Variants in CTNNA2 observed in about 807,000 individuals in gnomAD.
CTNNA2 encodes the protein catenin alpha 2.
A neutral mutation model predicts 101.0 loss-of-function variants in CTNNA2; 42 were observed. The observed-to-expected ratio is 0.42, with a 90% confidence interval of 0.32 to 0.54. The LOEUF (loss-of-function observed/expected upper bound fraction) is 0.54. Ranked by LOEUF, CTNNA2 falls within the 20% of genes least tolerant of loss-of-function variation. The pLI, the probability that CTNNA2 is intolerant of heterozygous loss-of-function variation, is 0.14. For missense variants in CTNNA2, 871 were observed against 1,223.1 expected (o/e 0.71, Z 4.29); for synonymous variants, 450 against 456.4 (o/e 0.99, Z 0.18).
intron 7 of CTNNA2, among the ~76,000 whole-genome samples, chr2:80,279,945 C>A (rs1674234655): frequency 6.6e-6 from 1 of 151,940 alleles, no homozygotes; most frequent in African/African-American, 2.4e-5. Context: ...GGATGTTGTG[C>A]ATTTCCTCAC....
At position 79,907,202 on chromosome 2, in the gene CTNNA2, A is replaced by T. The variant is rs541055363; in HGVS notation, c.853-2392A>T. Among the ~76,000 whole-genome samples the T allele has an allele frequency of 1.9e-4, 29 of 152,302 alleles. 1 individual carries two copies. In the East Asian group the frequency reaches 5.4e-3, roughly 28 times the overall value. ...GGTTTTCATTATGTTTTATGTTAAT[A>T]TGGTTTTCTATAAAATAGGTCTTTG... On this transcript the variant is annotated intron_variant, in intron 6 of 18. Transcript: ENST00000402739.
chr2:80,644,489 G>A (rs1021261927), intron 18 of CTNNA2, among the ~76,000 whole-genome samples: 2 of 152,070 alleles, frequency 1.3e-5, no homozygotes, highest in Non-Finnish European at 2.9e-5. Context: ...TTTTCTTTAG[G>A]AAGTGAAGTT....
chr2:79,718,927 A>G (rs914890689), intron 2 of CTNNA2, among the ~76,000 whole-genome samples: 2 of 151,606 alleles, frequency 1.3e-5, no homozygotes, highest in Non-Finnish European at 2.9e-5. Context: ...TTTTCATTCA[A>G]TTTTTATTTC....
intron 1 of CTNNA2, among the ~76,000 whole-genome samples, chr2:79,648,214 G>A (rs1680962093): frequency 6.6e-6 from 1 of 152,104 alleles, no homozygotes. Flanking sequence ...CTTATTGTGT[G>A]TGCTTGTCAG....
intron 9 of CTNNA2, among the ~76,000 whole-genome samples, chr2:80,473,206 A>G (rs1458497822): frequency 6.6e-6 from 1 of 152,180 alleles, no homozygotes; most frequent in Admixed American, 6.5e-5. Flanking sequence ...CCCAGGCCTC[A>G]GGCTCCTCAG....
chr2:80,586,778 T>G (rs1024407169), intron 14 of CTNNA2, among the ~76,000 whole-genome samples: 6 of 152,206 alleles, frequency 3.9e-5, no homozygotes, highest in African/African-American at 1.4e-4. Flanking sequence ...GGATTAAAAT[T>G]TACACGTACA....
At chr2:80,142,681 G>T (rs1703088199) in intron 7 of CTNNA2, among the ~76,000 whole-genome samples, 2 of 152,106 alleles carry the variant, frequency 1.3e-5, no homozygotes, top group Non-Finnish European at 2.9e-5. Context: ...TTTTGTTGTT[G>T]TTCTGCTTTG....
At chr2:79,671,062 A>G (rs1682802698) in intron 2 of CTNNA2, among the ~76,000 whole-genome samples, 1 of 152,370 alleles carries the variant, frequency 6.6e-6, no homozygotes, top group Non-Finnish European at 1.5e-5. Context: ...CCTACAGCAC[A>G]GACAGGAACA....
intron 1 of CTNNA2, among the ~76,000 whole-genome samples, chr2:79,518,553 A>G (rs1671928188): frequency 6.6e-6 from 1 of 152,182 alleles, no homozygotes; most frequent in Non-Finnish European, 1.5e-5. Context: ...TGATGGAGCT[A>G]TGTCAGTTGT....
At chr2:79,362,341 T>C (rs1031759332) in intron 3 of CTNNA2, among the ~76,000 whole-genome samples, 1 of 152,246 alleles carries the variant, frequency 6.6e-6, no homozygotes, top group Non-Finnish European at 1.5e-5. Flanking sequence ...ATTATATATA[T>C]TCATCATGTA....
intron 2 of CTNNA2, among the ~76,000 whole-genome samples, chr2:79,292,062 G>T (rs576818349): frequency 8.5e-5 from 13 of 152,124 alleles, no homozygotes; most frequent in Non-Finnish European, 1.6e-4. Context: ...TCTTAGAGAA[G>T]TAAAACAAGG....
intron 1 of CTNNA2, among the ~76,000 whole-genome samples, chr2:79,625,704 C>T (rs1363777599): frequency 6.6e-6 from 1 of 152,106 alleles, no homozygotes; most frequent in Non-Finnish European, 1.5e-5. Context: ...GCTCTTGCTC[C>T]TGAGCCTAAA....
At chr2:80,432,670 G>C (rs1311239268) in intron 9 of CTNNA2, among the ~76,000 whole-genome samples, 1 of 152,110 alleles carries the variant, frequency 6.6e-6, no homozygotes, top group Non-Finnish European at 1.5e-5. Flanking sequence ...AAGATCAAAA[G>C]AACAAACCTG....
chr2:79,254,366 G>C (rs1217845880), intron 2 of CTNNA2, among the ~76,000 whole-genome samples: 3 of 152,158 alleles, frequency 2.0e-5, no homozygotes, highest in Non-Finnish European at 2.9e-5. Context: ...TGGGTGTGGA[G>C]TTCCCATGAA....
At chr2:80,530,164 G>A (rs1003232475) in intron 9 of CTNNA2, among the ~76,000 whole-genome samples, 5 of 152,094 alleles carry the variant, frequency 3.3e-5, no homozygotes, top group Non-Finnish European at 5.9e-5. Context: ...GAAAAAAAGG[G>A]ACTCCATGTG....
At position 80,303,295 on chromosome 2, in the gene CTNNA2, A is replaced by C; in HGVS notation, c.1057-89916A>C. Reference sequence around the variant, plus strand: ...AGTCCTGGAAGATGCGCACGGGCACAAACTGGATGGCGTTGGCCCGCATAT... The same window carrying C: ...AGTCCTGGAAGATGCGCACGGGCACCAACTGGATGGCGTTGGCCCGCATAT... On this transcript the variant is annotated intron_variant, in intron 7 of 18. Coordinates refer to ENST00000402739, the MANE Select transcript of CTNNA2 (RefSeq NM_001282597.3). The surrounding 1 kb of genome is among the most constrained non-coding windows in gnomAD (Gnocchi z 7.7). 1.2e-6 allele frequency: 2 copies of C among 1,613,678 alleles called. No homozygotes were observed. The highest frequency in any genetic ancestry group is 1.1e-5 in the South Asian group (1 of 91,086).
At chr2:79,918,458 C>A (rs1449099751) in intron 7 of CTNNA2, among the ~76,000 whole-genome samples, 2 of 152,172 alleles carry the variant, frequency 1.3e-5, no homozygotes, top group African/African-American at 4.8e-5. Context: ...AGCAGAAAGT[C>A]TGGATTCCCA....
chr2:80,387,015 G>T (rs1380137907), intron 7 of CTNNA2, among the ~76,000 whole-genome samples: 1 of 152,176 alleles, frequency 6.6e-6, no homozygotes, highest in Non-Finnish European at 1.5e-5. Flanking sequence ...GGGCTGGGAT[G>T]GGAACAGCCT....
At chr2:80,122,863 T>G (rs1701917885) in intron 7 of CTNNA2, among the ~76,000 whole-genome samples, 1 of 152,072 alleles carries the variant, frequency 6.6e-6, no homozygotes, top group Non-Finnish European at 1.5e-5. Context: ...GCAAGGAGAA[T>G]ATTTCTGTTA....
Sources: allele counts gnomAD v4.1 joint callset (sites outside exome capture counted in the v4.1 genomes callset), GRCh38; gene constraint gnomAD v4.1.1; non-coding constraint Gnocchi (gnomAD v3.1); transcripts MANE v1.5; gene names NCBI Gene and HGNC (gene_info 2026-07-23, HGNC 2026-07-21).